The following CEMP1 variants were observed in gnomAD, a reference collection of about 807,000 sequenced individuals.
CEMP1 encodes the protein cementoblastoma-derived protein 1.
For missense variants in CEMP1, 387 were observed against 316.9 expected, an observed-to-expected ratio of 1.22 and a Z score of -1.68; for synonymous variants, 161 against 128.6, an observed-to-expected ratio of 1.25 and a Z score of -1.71.
Position 2,530,104 on chromosome 16 carries a change from C to A in CEMP1, c.*226G>T. On this transcript the variant is annotated 3_prime_UTR_variant, in exon 1 of 1. Transcript: ENST00000567119. ...CCCACAGCCTGGTTCTGGGCCAGGG[C>A]ACAGTGCCAGGGGCTCCGCTCTGAC... The A allele has an allele frequency of 8.4e-7, 1 of 1,192,606 alleles. No homozygotes were observed. Among genetic ancestry groups the A allele is most frequent in the Non-Finnish European group, 1.1e-6 (1 of 878,916 alleles). 73.9% of individuals were successfully genotyped at this position (1,192,606 alleles called of 1,614,324 possible). A position where few individuals can be genotyped will look rare whatever the true frequency, so the allele number is the denominator to read the frequency against.
Position 2,530,931 on chromosome 16 carries a change from C to G in CEMP1, c.143G>C (p.Gly48Ala). Residue 48 changes from glycine (G) to alanine (A), a missense_variant, in exon 1 of 1, where the codon GGC becomes GCC. By Grantham distance (60) the Gly-to-Ala change is moderately conservative. Transcript: ENST00000567119. ...CCCCTTAGGAAGTGGCTGTCCAGCG[C>G]CTGCCTGTGCTGGGCCTGGGAGAGG... The part of the protein sequence containing the change: ...TAPLPGPAQA[G>A]AGQPLPKGCA... 1.2e-6 allele frequency: 2 copies of G among 1,613,452 alleles called. No individual in the cohort carries two copies. The highest frequency in any genetic ancestry group is 1.7e-6 in the Non-Finnish European group (2 of 1,179,982).
chr16:2,530,765 G>T lies in CEMP1; in HGVS notation c.309C>A (p.Ala103=). The T allele has an allele frequency of 6.2e-7, 1 of 1,613,578 alleles. No individual in the cohort carries two copies. Among genetic ancestry groups the T allele is most frequent in the South Asian group, 1.1e-5 (1 of 91,088 alleles). ...CTGGGCAGGGCCTCGCCTGAGGGAGGGCCTGGGGCAGGGCACAAGGGGTTG... is the reference window on the plus strand; with the variant it reads ...CTGGGCAGGGCCTCGCCTGAGGGAGTGCCTGGGGCAGGGCACAAGGGGTTG... ...LRSTPCALPQ[A]LPQARPCPGR... is the part of the protein sequence containing the mutation. The change falls in exon 1 of 1, where the codon GCC becomes GCA. Residue 103 remains alanine (A), a synonymous_variant. Transcript: ENST00000567119.
Position 2,530,973 on chromosome 16 carries a change from C to T in CEMP1, c.101G>A (p.Ser34Asn). The T allele has an allele frequency of 1.9e-6, 3 of 1,613,498 alleles. No individual in the cohort carries two copies. Among genetic ancestry groups the T allele is most frequent in the Non-Finnish European group, 2.5e-6 (3 of 1,179,920 alleles). Residue 34 changes from serine to asparagine, a missense_variant, in exon 1 of 1, where the codon AGC becomes AAC. Ser to Asn is a conservative substitution (Grantham distance 46). Coordinates refer to ENST00000567119, the MANE Select transcript of CEMP1 (RefSeq NM_001048212.3). ...TGGGAGAGGAGCTGTCTTGCCAGGGCTCCCAGGCAGGGAGAGGCAGGTGAG... is the reference window on the plus strand; with the variant it reads ...TGGGAGAGGAGCTGTCTTGCCAGGGTTCCCAGGCAGGGAGAGGCAGGTGAG... Reference protein sequence around the residue: ...ENLTCLSLPGSPGKTAPLPGP... With the variant: ...ENLTCLSLPGNPGKTAPLPGP...
chr16:2,531,360 G>C lies in CEMP1; in HGVS notation c.-287C>G, dbSNP rs2066094629. ...GGTGTGGGGGAAGCACTCTTGGTTGGTTTTGGTTTGCTTTTTAAAAATTGT... is the reference window on the plus strand; with the variant it reads ...GGTGTGGGGGAAGCACTCTTGGTTGCTTTTGGTTTGCTTTTTAAAAATTGT... On this transcript the variant is annotated 5_prime_UTR_variant, in exon 1 of 1. Coordinates refer to ENST00000567119, the MANE Select transcript of CEMP1 (RefSeq NM_001048212.3). The C allele has an allele frequency of 2.0e-6, 1 of 507,494 alleles. No homozygotes were observed. The highest frequency in any genetic ancestry group is 1.9e-5 in the African/African-American group (1 of 52,650). 31.4% of individuals were successfully genotyped at this position (507,494 alleles called of 1,614,324 possible).
Position 2,531,175 on chromosome 16 carries a change from G to C in CEMP1, c.-102C>G, listed in dbSNP as rs574998583. Reference sequence around the variant, plus strand: ...CTGGGCCAGCCTTTGGGCCTGGCCTGCCCCATTCACCGGCCAGCGCCCCAC... The same window carrying C: ...CTGGGCCAGCCTTTGGGCCTGGCCTCCCCCATTCACCGGCCAGCGCCCCAC... On this transcript the variant is annotated 5_prime_UTR_variant, in exon 1 of 1. Coordinates refer to ENST00000567119, the MANE Select transcript of CEMP1 (RefSeq NM_001048212.3). 20 of 1,434,376 alleles carry C rather than the reference G, an allele frequency of 1.4e-5. No homozygotes were observed. The African/African-American group carries it at 2.1e-4, about 15-fold the overall frequency. The allele number at this position is 1,434,376 out of a possible 1,614,324, so 88.9% of individuals were successfully genotyped here.
Position 2,530,745 on chromosome 16 carries a change from C to G in CEMP1, c.329G>C (p.Cys110Ser). ...LPQALPQARP[C>S]PGRWFFPGCS... ...GCCAGGGAAGAACCACCTGCCTGGG[C>G]AGGGCCTCGCCTGAGGGAGGGCCTG... Residue 110 changes from cysteine to serine, a missense_variant, in exon 1 of 1, where the codon TGC becomes TCC. Coordinates refer to ENST00000567119, the MANE Select transcript of CEMP1 (RefSeq NM_001048212.3). The G allele has an allele frequency of 6.2e-7, 1 of 1,613,670 alleles. No individual in the cohort carries two copies. Among genetic ancestry groups the G allele is most frequent in the Non-Finnish European group, 8.5e-7 (1 of 1,179,844 alleles).
In CEMP1 at chr16:2,530,315, A is replaced by G; in HGVS notation, c.*15T>C. On this transcript the variant is annotated 3_prime_UTR_variant, in exon 1 of 1. Transcript: ENST00000567119. The stretch of plus-strand genomic sequence containing the variant: ...GGTGCTGGAGGGCAGTATGGGAGGC[A>G]CCAGTGTGCCCTGCTCACCCCATTA... 1 of 1,614,046 alleles carries G rather than the reference A, an allele frequency of 6.2e-7. No individual in the cohort carries two copies.
chr16:2,530,227 C>T lies in CEMP1; in HGVS notation c.*103G>A, dbSNP rs2066068173. The stretch of plus-strand genomic sequence containing the variant: ...TGACCAGCGTTCTGTTTTCTCTTCT[C>T]AATAACCCTATCTCTTCACACATCC... On this transcript the variant is annotated 3_prime_UTR_variant, in exon 1 of 1. Coordinates refer to ENST00000567119, the MANE Select transcript of CEMP1 (RefSeq NM_001048212.3). The T allele has an allele frequency of 1.3e-6, 2 of 1,571,622 alleles. No homozygotes were observed. The highest frequency in any genetic ancestry group is 1.3e-5 in the African/African-American group (1 of 74,184).
chr16:2,530,398 C>G lies in CEMP1; in HGVS notation c.676G>C (p.Val226Leu). The change falls in exon 1 of 1, where the codon GTT (valine) becomes CTT (leucine). Residue 226 changes from valine to leucine, a missense_variant. Val to Leu is a conservative substitution (Grantham distance 32, BLOSUM62 1). Coordinates refer to ENST00000567119, the MANE Select transcript of CEMP1 (RefSeq NM_001048212.3). The stretch of plus-strand genomic sequence containing the variant: ...CCCTGGCACACACCCATGTGGCAAA[C>G]ACGGGCCGTGAGGCTCCCTGAACAG... ...RSCSGSLTAR[V>L]CHMGVCQGQG... 2 of 1,614,202 alleles carry G rather than the reference C, an allele frequency of 1.2e-6. No homozygotes were observed. The highest frequency in any genetic ancestry group is 3.3e-5 in the Admixed American group (2 of 60,028).
In CEMP1 at chr16:2,530,785, G is replaced by A. The variant is rs1392628105; in HGVS notation, c.289C>T (p.Pro97Ser). ...GGGAGGGCCTGGGGCAGGGCACAAG[G>A]GGTTGATCTCAGCCCACAAGCCCCA... ...APGACGLRST[P>S]CALPQALPQA... Residue 97 changes from proline (P) to serine (S), a missense_variant, in exon 1 of 1, where the codon CCT becomes TCT. By Grantham distance (74) the Pro-to-Ser change is moderately conservative (BLOSUM62 -1). Coordinates refer to ENST00000567119, the MANE Select transcript of CEMP1 (RefSeq NM_001048212.3). 1.9e-6 allele frequency: 3 copies of A among 1,613,722 alleles called. No individual in the cohort carries two copies. Among genetic ancestry groups the A allele is most frequent in the Admixed American group, 1.7e-5 (1 of 60,016 alleles).
Position 2,530,908 on chromosome 16 carries a change from C to T in CEMP1, c.166G>A (p.Gly56Arg). 2 of 1,613,524 alleles carry T rather than the reference C, an allele frequency of 1.2e-6. No homozygotes were observed. The highest frequency in any genetic ancestry group is 4.5e-5 in the East Asian group (2 of 44,886). Residue 56 changes from glycine to arginine, a missense_variant, in exon 1 of 1, where the codon GGG becomes AGG. Physicochemically the swap from Gly to Arg is moderately radical, Grantham distance 125. Coordinates refer to ENST00000567119, the MANE Select transcript of CEMP1 (RefSeq NM_001048212.3). ...QAGAGQPLPK[G>R]CAAVKAEVGI... Reference sequence around the variant, plus strand: ...ACCTCTGCCTTGACGGCCGCGCACCCCTTAGGAAGTGGCTGTCCAGCGCCT... The same window carrying T: ...ACCTCTGCCTTGACGGCCGCGCACCTCTTAGGAAGTGGCTGTCCAGCGCCT...
rs753486876 is a variant in CEMP1, at chr16:2,531,045, T to G, written c.29A>C (p.Gln10Pro). 1 of 1,597,718 alleles carries G rather than the reference T, an allele frequency of 6.3e-7. No individual in the cohort carries two copies. The highest frequency in any genetic ancestry group is 1.3e-5 in the African/African-American group (1 of 74,594). Reference sequence around the variant, plus strand: ...GGTTGAGCATCGCCTGTGCCCAGCTTGCTGGCTGTCAGTGCTTGATGTGCC... The same window carrying G: ...GGTTGAGCATCGCCTGTGCCCAGCTGGCTGGCTGTCAGTGCTTGATGTGCC... The part of the protein sequence containing the change: MGTSSTDSQ[Q>P]AGHRRCSTSN... The change falls in exon 1 of 1, where the codon CAA (glutamine) becomes CCA (proline). Residue 10 changes from glutamine (Q) to proline (P), a missense_variant. By Grantham distance (76) the Gln-to-Pro change is moderately conservative. Transcript: ENST00000567119.
Position 2,531,291 on chromosome 16 carries a change from G to A in CEMP1, c.-218C>T, listed in dbSNP as rs572274636. On this transcript the variant is annotated 5_prime_UTR_variant, in exon 1 of 1. Transcript: ENST00000567119. ...GGTGGGAGAGGGGCCCAGGGTCAGG[G>A]TGAGAGAGAGCTGGGCCAGGGAGCT... 1.8e-4 allele frequency: 103 copies of A among 588,338 alleles called. 1 individual carries two copies. Among genetic ancestry groups the A allele is most frequent in the African/African-American group, 1.7e-3 (90 of 53,846 alleles). The allele number at this position is 588,338 out of a possible 1,614,324, so 36.4% of individuals were successfully genotyped here.
At position 2,531,171 on chromosome 16, in the gene CEMP1, G is replaced by A; in HGVS notation, c.-98C>T. Reference sequence around the variant, plus strand: ...AGCCCTGGGCCAGCCTTTGGGCCTGGCCTGCCCCATTCACCGGCCAGCGCC... The same window carrying A: ...AGCCCTGGGCCAGCCTTTGGGCCTGACCTGCCCCATTCACCGGCCAGCGCC... On this transcript the variant is annotated 5_prime_UTR_variant, in exon 1 of 1. Coordinates refer to ENST00000567119, the MANE Select transcript of CEMP1 (RefSeq NM_001048212.3). The A allele has an allele frequency of 2.1e-6, 3 of 1,458,454 alleles. No homozygotes were observed. The highest frequency in any genetic ancestry group is 2.8e-6 in the Non-Finnish European group (3 of 1,089,826). The allele number at this position is 1,458,454 out of a possible 1,614,324, so 90.3% of individuals were successfully genotyped here.
Position 2,531,187 on chromosome 16 carries a change from G to A in CEMP1, c.-114C>T. 1.7e-5 allele frequency: 23 copies of A among 1,356,626 alleles called. No homozygotes were observed. Among genetic ancestry groups the A allele is most frequent in the Non-Finnish European group, 2.0e-5 (20 of 1,004,254 alleles). 84.0% of individuals were successfully genotyped at this position (1,356,626 alleles called of 1,614,324 possible). A position where few individuals can be genotyped will look rare whatever the true frequency, so the allele number is the denominator to read the frequency against. On this transcript the variant is annotated 5_prime_UTR_variant, in exon 1 of 1. Coordinates refer to ENST00000567119, the MANE Select transcript of CEMP1 (RefSeq NM_001048212.3). ...TTGGGCCTGGCCTGCCCCATTCACC[G>A]GCCAGCGCCCCACCTCCCTGGCTGG...
chr16:2,530,651 C>G lies in CEMP1; in HGVS notation c.423G>C (p.Trp141Cys). The G allele has an allele frequency of 1.2e-6, 2 of 1,614,184 alleles. No homozygotes were observed. Among genetic ancestry groups the G allele is most frequent in the Non-Finnish European group, 1.7e-6 (2 of 1,180,024 alleles). The part of the protein sequence containing the change: ...SLWTWRHFLN[W>C]ALQQREENSG... ...TGTTCTCTTCCCTCTGCTGCAAAGC[C>G]CAGTTAAGGAAATGTCTCCAGGTCC... The change falls in exon 1 of 1, where the codon TGG (tryptophan) becomes TGC (cysteine). Residue 141 changes from tryptophan to cysteine, a missense_variant. By Grantham distance (215) the Trp-to-Cys change is radical. Transcript: ENST00000567119.
In CEMP1 at chr16:2,531,279, C is replaced by G; in HGVS notation, c.-206G>C. The G allele has an allele frequency of 1.6e-6, 1 of 620,842 alleles. No individual in the cohort carries two copies. The highest frequency in any genetic ancestry group is 1.8e-5 in the African/African-American group (1 of 54,228). The allele number at this position is 620,842 out of a possible 1,614,324, so 38.5% of individuals were successfully genotyped here. The stretch of plus-strand genomic sequence containing the variant: ...CTAGCCCTGGGTGGTGGGAGAGGGG[C>G]CCAGGGTCAGGGTGAGAGAGAGCTG... On this transcript the variant is annotated 5_prime_UTR_variant, in exon 1 of 1. Coordinates refer to ENST00000567119, the MANE Select transcript of CEMP1 (RefSeq NM_001048212.3).
At position 2,530,873 on chromosome 16, in the gene CEMP1, A is replaced by G. The variant is rs572300294; in HGVS notation, c.201T>C (p.Pro67=). ...TGACCTCCTGAGAGGTGTGAGGTGC[A>G]GGGATACCCACCTCTGCCTTGACGG... ...CAAVKAEVGI[P]APHTSQEVRI... is the part of the protein sequence containing the mutation. Residue 67 remains proline (P), a synonymous_variant, in exon 1 of 1, where the codon CCT becomes CCC. Transcript: ENST00000567119. 1.5e-5 allele frequency: 24 copies of G among 1,613,494 alleles called. No homozygotes were observed. The highest frequency in any genetic ancestry group is 1.6e-4 in the Middle Eastern group (1 of 6,084).
At position 2,530,324 on chromosome 16, in the gene CEMP1, C is replaced by T. The variant is rs897059726; in HGVS notation, c.*6G>A. ...GGGCAGTATGGGAGGCACCAGTGTG[C>T]CCTGCTCACCCCATTAGTGTCATCC... On this transcript the variant is annotated 3_prime_UTR_variant, in exon 1 of 1. Transcript: ENST00000567119. The T allele has an allele frequency of 6.2e-7, 1 of 1,614,094 alleles. No individual in the cohort carries two copies. Among genetic ancestry groups the T allele is most frequent in the Admixed American group, 1.7e-5 (1 of 60,024 alleles).
Sources: allele counts gnomAD v4.1 joint callset, GRCh38; gene constraint gnomAD v4.1.1; transcripts MANE v1.5; gene names NCBI Gene and HGNC (gene_info 2026-07-23, HGNC 2026-07-21).